The following RBFOX1 variants were observed in gnomAD, a reference collection of about 807,000 sequenced individuals.
The protein encoded by RBFOX1 is RNA binding fox-1 homolog 1.
RBFOX1 carries 8 observed loss-of-function variants against 57.7 expected under a neutral mutation model. The observed-to-expected ratio is 0.14, with a 90% CI of 0.08 to 0.25. The LOEUF (loss-of-function observed/expected upper bound fraction) is 0.25, where lower values mean the gene tolerates loss of function less well. RBFOX1 is among the 10% of genes least tolerant of loss of function. The probability of loss-of-function intolerance (pLI) is 1.00; values close to 1 mark genes in which losing one functional copy is unlikely to be tolerated. For synonymous variants in RBFOX1, 326 were observed against 222.4 expected, an observed-to-expected ratio of 1.47 and a Z score of -4.15; for missense variants, 611 against 548.5, an observed-to-expected ratio of 1.11 and a Z score of -1.14.
intron 3 of RBFOX1, among the ~76,000 whole-genome samples, chr16:5,836,182 C>T (rs1027615066): frequency 2.0e-5 from 3 of 152,290 alleles, no homozygotes; most frequent in Non-Finnish European, 4.4e-5. Context: ...CCAAGGGGGA[C>T]ATGGGCTCTG....
Position 6,907,079 on chromosome 16 carries a change from A to T in RBFOX1, c.-15-144978A>T, listed in dbSNP as rs116383499. Among the ~76,000 whole-genome samples, 504 of 152,292 alleles carry T rather than the reference A, an allele frequency of 3.3e-3. 4 individuals are homozygous for T. Among genetic ancestry groups the T allele is most frequent in the African/African-American group, 0.012 (478 of 41,552 alleles). ...TTTATGATCTCCATGTCATCTCCGT[A>T]TTCCAAGGATTCTCAACCAGAGTGA... is the stretch of plus-strand genomic sequence containing the variant. On this transcript the variant is annotated intron_variant, in intron 3 of 15. Coordinates refer to ENST00000550418, the MANE Select transcript of RBFOX1 (RefSeq NM_018723.4).
chr16:6,904,732 G>C (rs1396261388), intron 3 of RBFOX1, among the ~76,000 whole-genome samples: 1 of 151,786 alleles, frequency 6.6e-6, no homozygotes, highest in African/African-American at 2.4e-5. Context: ...TACTCACAGG[G>C]ACCCTCGCCT....
chr16:7,021,936 TTTC>T (rs1157119443), intron 3 of RBFOX1, among the ~76,000 whole-genome samples: 2 of 147,140 alleles, frequency 1.4e-5, no homozygotes, highest in African/African-American at 5.1e-5. Flanking sequence ...TTTATTTTCT[TTTC>T]TTTCTTTCTT....
At chr16:5,696,982 G>A (rs2151473034) in intron 3 of RBFOX1, among the ~76,000 whole-genome samples, 1 of 152,056 alleles carries the variant, frequency 6.6e-6, no homozygotes, top group African/African-American at 2.4e-5. Context: ...GCACAGTCTT[G>A]ACTCACTGCG....
chr16:7,011,643 A>T (rs1455192760), intron 3 of RBFOX1, among the ~76,000 whole-genome samples: 1 of 152,102 alleles, frequency 6.6e-6, no homozygotes, highest in African/African-American at 2.4e-5. Context: ...CCTTCAAAGT[A>T]CCTGGGACTA....
chr16:5,311,221 TACATACATACATATC>T (rs1269994033), intron 1 of RBFOX1, among the ~76,000 whole-genome samples: 5 of 152,230 alleles, frequency 3.3e-5, no homozygotes, highest in Non-Finnish European at 7.3e-5. Flanking sequence ...TGTATGTATG[TACATACATACATATC>T]ACATATATCA....
chr16:5,454,875 TTTC>T (rs2068549590), intron 1 of RBFOX1, among the ~76,000 whole-genome samples: 1 of 102,038 alleles, frequency 9.8e-6, no homozygotes, highest in Non-Finnish European at 2.2e-5. Flanking sequence ...TCTTTCTTTC[TTTC>T]TTTCTTTCTT....
At chr16:6,909,383 T>G (rs2070955454) in intron 3 of RBFOX1, among the ~76,000 whole-genome samples, 1 of 152,206 alleles carries the variant, frequency 6.6e-6, no homozygotes, top group Non-Finnish European at 1.5e-5. Flanking sequence ...TCCTGGCAAC[T>G]CTTCCATTTC....
At chr16:6,674,008 C>G (rs1263379625) in intron 3 of RBFOX1, among the ~76,000 whole-genome samples, 2 of 152,094 alleles carry the variant, frequency 1.3e-5, no homozygotes, top group African/African-American at 2.4e-5. Context: ...GGAATTACTT[C>G]TTTTAGAGAC....
intron 4 of RBFOX1, among the ~76,000 whole-genome samples, chr16:7,289,186 T>G (rs766090986): frequency 6.6e-6 from 1 of 152,166 alleles, no homozygotes; most frequent in Non-Finnish European, 1.5e-5. Flanking sequence ...TGATGGGTAT[T>G]ACATTTGCTT....
intron 9 of RBFOX1, among the ~76,000 whole-genome samples, chr16:7,600,412 A>T (rs2094950481): frequency 1.3e-5 from 2 of 152,232 alleles, no homozygotes; most frequent in African/African-American, 4.8e-5. Flanking sequence ...ACCACTACAG[A>T]TAAATTCCCT....
intron 3 of RBFOX1, among the ~76,000 whole-genome samples, chr16:5,775,944 T>C (rs74805827): frequency 0.04 from 6,078 of 152,292 alleles, 391 homozygotes; most frequent in African/African-American, 0.14. Context: ...TGTTCTTGTC[T>C]GGGTTACACA....
At chr16:7,335,944 C>A (rs1480891299) in intron 4 of RBFOX1, among the ~76,000 whole-genome samples, 1 of 152,122 alleles carries the variant, frequency 6.6e-6, no homozygotes, top group Non-Finnish European at 1.5e-5. Flanking sequence ...GTCTCATGTG[C>A]AGAAAAAGCA....
chr16:6,861,830 T>TTG (rs1437442647), intron 3 of RBFOX1, among the ~76,000 whole-genome samples: 2 of 149,494 alleles, frequency 1.3e-5, no homozygotes, highest in East Asian at 3.9e-4. Context: ...TTGGTTTTTT[T>TTG]TTTTTTTTTT....
chr16:5,791,940 T>G (rs952644005), intron 3 of RBFOX1, among the ~76,000 whole-genome samples: 1 of 152,174 alleles, frequency 6.6e-6, no homozygotes, highest in African/African-American at 2.4e-5. Flanking sequence ...CCAGACTTCT[T>G]GGCGTTGCCT....
At chr16:7,205,856 A>C (rs11642971) in intron 4 of RBFOX1, among the ~76,000 whole-genome samples, 41 of 152,244 alleles carry the variant, frequency 2.7e-4, no homozygotes, top group African/African-American at 9.9e-4. Flanking sequence ...TGAGGAGCCA[A>C]TTGTGCTCTG....
intron 3 of RBFOX1, among the ~76,000 whole-genome samples, chr16:5,847,043 A>C (rs2056774634): frequency 6.6e-6 from 1 of 152,204 alleles, no homozygotes; most frequent in Non-Finnish European, 1.5e-5. Flanking sequence ...GCTTCCAGGA[A>C]GGTGTTGAAC....
chr16:6,267,187 GA>G (rs1173737914), intron 1 of RBFOX1, among the ~76,000 whole-genome samples: 2 of 152,008 alleles, frequency 1.3e-5, no homozygotes, highest in African/African-American at 2.4e-5. Context: ...GAAAAAGGGG[GA>G]AAAAAATCTG....
chr16:5,712,010 G>T (rs1167564943), intron 3 of RBFOX1, among the ~76,000 whole-genome samples: 3 of 152,178 alleles, frequency 2.0e-5, no homozygotes, highest in Non-Finnish European at 2.9e-5. Flanking sequence ...TGGCTGGGAA[G>T]GCCTCAGGAA....
Sources: allele counts gnomAD v4.1 joint callset (sites outside exome capture counted in the v4.1 genomes callset), GRCh38; gene constraint gnomAD v4.1.1; transcripts MANE v1.5; gene names NCBI Gene and HGNC (gene_info 2026-07-23, HGNC 2026-07-21).